CDH12: variants seen among roughly 807,000 people sequenced by gnomAD.
CDH12 encodes cadherin 12.
A neutral mutation model predicts 74.1 loss-of-function variants in CDH12; 41 were observed. The ratio of observed to expected loss-of-function variants is 0.55; its 90% confidence interval spans 0.43 to 0.72. The LOEUF is 0.72. CDH12 is among the 30% of genes least tolerant of loss of function. The pLI is 0.00. For missense variants in CDH12, 945 were observed against 977.2 expected (o/e 0.97, Z 0.44); for synonymous variants, 399 against 355.0 (o/e 1.12, Z -1.39).
intron 1 of CDH12, among the ~76,000 whole-genome samples, chr5:22,736,834 A>G (rs956163215): frequency 6.6e-6 from 1 of 151,872 alleles, no homozygotes; most frequent in African/African-American, 2.4e-5. Context: ...AAAGCTCCAT[A>G]GAGTTGCTCC....
At chr5:22,777,997 G>A (rs757020760) in intron 1 of CDH12, among the ~76,000 whole-genome samples, 1 of 151,960 alleles carries the variant, frequency 6.6e-6, no homozygotes, top group East Asian at 1.9e-4. Flanking sequence ...GTAGGGATGC[G>A]GTTTCACCTG....
At chr5:22,843,627 T>G (rs1375380650) in intron 1 of CDH12, among the ~76,000 whole-genome samples, 1 of 151,456 alleles carries the variant, frequency 6.6e-6, no homozygotes, top group Non-Finnish European at 1.5e-5. Flanking sequence ...TGTGTGTGTG[T>G]GTGTGTGTGT....
intron 3 of CDH12, among the ~76,000 whole-genome samples, chr5:22,224,025 C>T (rs1001950591): frequency 6.6e-6 from 1 of 151,998 alleles, no homozygotes; most frequent in African/African-American, 2.4e-5. Context: ...CCAACAGCTA[C>T]TCAGCAGAGC....
At chr5:22,639,879 A>G (rs552974425) in intron 1 of CDH12, among the ~76,000 whole-genome samples, 28 of 152,274 alleles carry the variant, frequency 1.8e-4, no homozygotes, top group South Asian at 1.0e-3. Context: ...GGCCCGAGTG[A>G]CTTACAGTCA....
intron 14 of CDH12, among the ~76,000 whole-genome samples, chr5:21,754,140 T>C (rs1224838142): frequency 1.3e-5 from 2 of 152,116 alleles, no homozygotes; most frequent in East Asian, 1.9e-4. Context: ...AGAAATGATT[T>C]TGTATAAGGT....
At chr5:22,280,507 T>C (rs970676692) in intron 3 of CDH12, among the ~76,000 whole-genome samples, 1 of 151,094 alleles carries the variant, frequency 6.6e-6, no homozygotes, top group African/African-American at 2.4e-5. Context: ...GAGAGAAGAA[T>C]CAAACAGACG....
At position 22,013,397 on chromosome 5, in the gene CDH12, G is replaced by A. The variant is rs138681419; in HGVS notation, c.232-38012C>T. Among the ~76,000 whole-genome samples, 258 of 152,254 alleles carry A rather than the reference G, an allele frequency of 1.7e-3. 3 individuals carry two copies. Among genetic ancestry groups the A allele is most frequent in the African/African-American group, 5.7e-3 (236 of 41,558 alleles). On this transcript the variant is annotated intron_variant, in intron 5 of 14. Transcript: ENST00000382254. ...CCCTCCCTTGCTAGGTGGGGATTAC[G>A]GAGATTATAATTCAAGATGAGATTT... is the stretch of plus-strand genomic sequence containing the variant.
intron 5 of CDH12, among the ~76,000 whole-genome samples, chr5:22,015,968 T>C (rs1171470557): frequency 1.3e-5 from 2 of 151,708 alleles, no homozygotes; most frequent in African/African-American, 4.9e-5. Flanking sequence ...ATCTCCCTAC[T>C]TGGTAGAAAT....
intron 3 of CDH12, among the ~76,000 whole-genome samples, chr5:22,256,745 G>C (rs1461962141): frequency 6.6e-6 from 1 of 152,114 alleles, no homozygotes; most frequent in Non-Finnish European, 1.5e-5. Context: ...AGGCTAATGT[G>C]TGTGTTTGTG....
chr5:22,472,775 T>A (rs1746018487), intron 2 of CDH12, among the ~76,000 whole-genome samples: 1 of 152,164 alleles, frequency 6.6e-6, no homozygotes, highest in Admixed American at 6.5e-5. Context: ...TATGGTATCT[T>A]GAACTGCTAT....
intron 3 of CDH12, among the ~76,000 whole-genome samples, chr5:22,283,493 T>C (rs1022765416): frequency 4.0e-5 from 6 of 151,808 alleles, no homozygotes; most frequent in African/African-American, 1.4e-4. Flanking sequence ...TTTGAAGGCA[T>C]TTTGATAACT....
chr5:22,333,976 C>G (rs1193513524), intron 3 of CDH12, among the ~76,000 whole-genome samples: 1 of 152,086 alleles, frequency 6.6e-6, no homozygotes, highest in Non-Finnish European at 1.5e-5. Context: ...AAGGAACAGA[C>G]CTCAACCTAA....
At chr5:22,430,955 C>A (rs1221903632) in intron 2 of CDH12, among the ~76,000 whole-genome samples, 1 of 151,990 alleles carries the variant, frequency 6.6e-6, no homozygotes, top group Admixed American at 6.6e-5. Flanking sequence ...ATTTACCAGG[C>A]ATATGACAAG....
chr5:22,254,143 A>C (rs1468941704), intron 3 of CDH12, among the ~76,000 whole-genome samples: 3 of 151,782 alleles, frequency 2.0e-5, no homozygotes, highest in Non-Finnish European at 4.4e-5. Flanking sequence ...ATGTAACCTG[A>C]TAGTGCTGAA....
intron 1 of CDH12, among the ~76,000 whole-genome samples, chr5:22,831,874 G>A (rs1301059405): frequency 3.3e-5 from 5 of 151,938 alleles, no homozygotes; most frequent in Non-Finnish European, 7.4e-5. Flanking sequence ...TCCAGCCTGG[G>A]TGACAAAGCA....
chr5:21,950,760 A>T (rs868466376), intron 6 of CDH12, among the ~76,000 whole-genome samples: 98 of 73,918 alleles, frequency 1.3e-3, no homozygotes, highest in Admixed American at 3.6e-3. Context: ...ATTTTATTTT[A>T]TTATTATTAT....
chr5:22,249,101 C>T (rs1231599775), intron 3 of CDH12, among the ~76,000 whole-genome samples: 2 of 152,020 alleles, frequency 1.3e-5, no homozygotes, highest in African/African-American at 4.8e-5. Context: ...AAATACTATA[C>T]TATAATACAA....
intron 5 of CDH12, among the ~76,000 whole-genome samples, chr5:21,991,262 A>G (rs1197692983): frequency 6.6e-6 from 1 of 151,788 alleles, no homozygotes; most frequent in Non-Finnish European, 1.5e-5. Context: ...CATAAAATCC[A>G]TCATATTAAA....
At chr5:22,388,908 A>T (rs1742113949) in intron 3 of CDH12, among the ~76,000 whole-genome samples, 1 of 152,212 alleles carries the variant, frequency 6.6e-6, no homozygotes, top group African/African-American at 2.4e-5. Flanking sequence ...TGCTTCCAAA[A>T]ACAGGAAACA....
Sources: gnomAD v4.1 joint callset for allele counts (sites outside exome capture counted in the v4.1 genomes callset) on GRCh38, gnomAD v4.1.1 for gene constraint, MANE v1.5 for transcripts, NCBI Gene and HGNC (gene_info 2026-07-23, HGNC 2026-07-21) for gene names.